Variants in SPATA13 observed in about 807,000 individuals in gnomAD.
The protein encoded by SPATA13 is spermatogenesis associated 13, also known as spermatogenesis-associated protein 13.
SPATA13 carries 50 observed loss-of-function variants against 104.0 expected under a neutral mutation model. The ratio of observed to expected loss-of-function variants is 0.48; its 90% CI spans 0.38 to 0.61. The LOEUF (loss-of-function observed/expected upper bound fraction) is 0.61. Among genes scored for constraint, SPATA13 ranks in the 20% least tolerant of loss-of-function variants. The probability of loss-of-function intolerance (pLI) is 0.00; values close to 1 mark genes in which losing one functional copy is unlikely to be tolerated. For missense variants in SPATA13, 1,524 were observed against 1,690.6 expected, an observed-to-expected ratio of 0.90 and a Z score of 1.73; for synonymous variants, 606 against 667.5, an observed-to-expected ratio of 0.91 and a Z score of 1.42.
intron 3 of SPATA13, among the ~76,000 whole-genome samples, chr13:24,115,497 G>A (rs112408490): frequency 0.011 from 1,680 of 152,380 alleles, 38 homozygotes; most frequent in African/African-American, 0.038. Context: ...AAGGATGTAC[G>A]TTGCGTGCTC....
upstream of SPATA13, among the ~76,000 whole-genome samples, chr13:24,159,713 TA>T (rs1014353309): frequency 6.6e-6 from 1 of 152,236 alleles, no homozygotes; most frequent in African/African-American, 2.4e-5. Context: ...TTCAATATTT[TA>T]AAAAACATAC....
chr13:24,092,945 T>A (rs4503645), intron 3 of SPATA13, among the ~76,000 whole-genome samples: 145,214 of 152,292 alleles, frequency 0.95, 69,302 homozygotes, highest in Middle Eastern at 0.98. Context: ...CTCATTAACG[T>A]TGCAGATGAC....
Position 24,303,293 on chromosome 13 carries a change from AGCTGC to A in SPATA13, c.*521_*525del, listed in dbSNP as rs1458821673. 2.6e-6 allele frequency: 1 copy of A among 382,966 alleles called. No homozygotes were observed. Among genetic ancestry groups the A allele is most frequent in the Non-Finnish European group, 5.3e-6 (1 of 190,404 alleles). The allele number at this position is 382,966 out of a possible 1,614,324, so 23.7% of individuals were successfully genotyped here. On this transcript the variant is annotated 3_prime_UTR_variant, in exon 13 of 13. Coordinates refer to ENST00000382108, the MANE Select transcript of SPATA13 (RefSeq NM_001166271.3). ...TCTTCTGTAATACTGGGGGACCTAC[AGCTGC>A]CGTGGGGCTGACCACGGTGTTCCCT...
intron 3 of SPATA13, among the ~76,000 whole-genome samples, chr13:24,058,903 T>C (rs1413339443): frequency 1.3e-5 from 2 of 151,844 alleles, no homozygotes; most frequent in Non-Finnish European, 2.9e-5. Flanking sequence ...CCAGTAATGA[T>C]GCCAACTCTG....
intron 2 of SPATA13, among the ~76,000 whole-genome samples, chr13:24,014,335 A>G (rs1247611037): frequency 7.9e-5 from 12 of 152,010 alleles, no homozygotes; most frequent in Admixed American, 7.9e-4. Context: ...GGGCACCAAC[A>G]CACCCCCCTT....
chr13:24,097,506 G>A (rs1374038428), intron 3 of SPATA13, among the ~76,000 whole-genome samples: 1 of 152,020 alleles, frequency 6.6e-6, no homozygotes, highest in Non-Finnish European at 1.5e-5. Flanking sequence ...TAGATTCTGG[G>A]GAGACTGCAG....
At chr13:24,092,451 A>G (rs953585658) in intron 3 of SPATA13, among the ~76,000 whole-genome samples, 2 of 152,250 alleles carry the variant, frequency 1.3e-5, no homozygotes, top group Admixed American at 6.5e-5. Context: ...ATAATGGTTT[A>G]TATTTTAGAA....
intron 1 of SPATA13, among the ~76,000 whole-genome samples, chr13:24,183,914 T>C (rs1257081792): frequency 1.3e-5 from 2 of 152,240 alleles, no homozygotes; most frequent in African/African-American, 2.4e-5. Context: ...CAGCGTCACA[T>C]GGTGTTTTCC....
upstream of SPATA13, among the ~76,000 whole-genome samples, chr13:24,160,042 G>A (rs935389331): frequency 6.6e-6 from 1 of 152,106 alleles, no homozygotes; most frequent in African/African-American, 2.4e-5. Flanking sequence ...CCTTTGAGTC[G>A]GTTTACTGCA....
At chr13:24,174,006 C>T (rs1208253373) in intron 1 of SPATA13, among the ~76,000 whole-genome samples, 1 of 152,186 alleles carries the variant, frequency 6.6e-6, no homozygotes, top group Admixed American at 6.5e-5. Flanking sequence ...GTTCCTCTTT[C>T]ATTTCCCGGA....
intron 10 of SPATA13, among the ~76,000 whole-genome samples, chr13:24,296,219 G>A (rs1182505767): frequency 6.6e-6 from 1 of 152,188 alleles, no homozygotes; most frequent in South Asian, 2.1e-4. Flanking sequence ...TGAGAACACT[G>A]AGTCCAACTC....
At chr13:24,273,863 A>G (rs1874785732) in intron 4 of SPATA13, among the ~76,000 whole-genome samples, 1 of 152,128 alleles carries the variant, frequency 6.6e-6, no homozygotes, top group African/African-American at 2.4e-5. Flanking sequence ...CCTTAAGTTT[A>G]TTTTTAAATA....
intron 1 of SPATA13, among the ~76,000 whole-genome samples, chr13:24,189,972 A>G (rs1593398100): frequency 1.0e-5 from 1 of 96,576 alleles, no homozygotes; most frequent in Middle Eastern, 0.013. Flanking sequence ...TATAAAATAT[A>G]TATTATATAA....
rs912087103 is a variant in SPATA13, at chr13:24,205,630, A to T, written c.-111-17189A>T. ...AAAAAGAGCCTGAATAGTGAAGACA[A>T]TTCTAAGCAAAAAGAAGAAAGCTGG... On this transcript the variant is annotated intron_variant, in intron 1 of 12. Coordinates refer to ENST00000382108, the MANE Select transcript of SPATA13 (RefSeq NM_001166271.3). The surrounding 1 kb of genome is among the most constrained non-coding windows in gnomAD (Gnocchi z 4.1). Among the ~76,000 whole-genome samples the T allele has an allele frequency of 5.9e-5, 9 of 152,234 alleles. No homozygotes were observed. Among genetic ancestry groups the T allele is most frequent in the Admixed American group, 5.9e-4 (9 of 15,290 alleles).
chr13:24,009,854 C>T (rs1876391398), intron 2 of SPATA13, among the ~76,000 whole-genome samples: 2 of 152,262 alleles, frequency 1.3e-5, no homozygotes, highest in Non-Finnish European at 2.9e-5. Context: ...CATGTCTTAC[C>T]TCCCTTCCAT....
At chr13:24,233,833 A>G (rs1872417525) in intron 2 of SPATA13, among the ~76,000 whole-genome samples, 2 of 151,874 alleles carry the variant, frequency 1.3e-5, no homozygotes, top group South Asian at 4.2e-4. Flanking sequence ...AAAGCTGCGG[A>G]ATCCCGAGTC....
intron 3 of SPATA13, among the ~76,000 whole-genome samples, chr13:24,023,636 A>C (rs1186508878): frequency 6.6e-6 from 1 of 152,156 alleles, no homozygotes. Context: ...GTGTAATAAC[A>C]AGGGTCCTTA....
At position 24,290,892 on chromosome 13, in the gene SPATA13, G is replaced by A. The variant is rs1440083723; in HGVS notation, c.3080+8G>A. On this transcript the variant is annotated splice_region_variant and intron_variant, in intron 9 of 12. Coordinates refer to ENST00000382108, the MANE Select transcript of SPATA13 (RefSeq NM_001166271.3). The stretch of plus-strand genomic sequence containing the variant: ...TACCACACAGGAACACGGGTGAGGG[G>A]CATGGGTAAGGGGCACAGGTGAGAG... 7.4e-6 allele frequency: 12 copies of A among 1,610,822 alleles called. No homozygotes were observed. Among genetic ancestry groups the A allele is most frequent in the Non-Finnish European group, 1.0e-5 (12 of 1,177,522 alleles).
chr13:24,003,234 C>G (rs1015415653), intron 2 of SPATA13, among the ~76,000 whole-genome samples: 1 of 152,076 alleles, frequency 6.6e-6, no homozygotes, highest in Non-Finnish European at 1.5e-5. Flanking sequence ...AGTGCCTAGG[C>G]CAGATCACTC....
Sources: allele counts gnomAD v4.1 joint callset (sites outside exome capture counted in the v4.1 genomes callset), GRCh38; gene constraint gnomAD v4.1.1; non-coding constraint Gnocchi (gnomAD v3.1); transcripts MANE v1.5; gene names NCBI Gene and HGNC (gene_info 2026-07-23, HGNC 2026-07-21).